Variants in BRWD3 observed in about 807,000 individuals in gnomAD.
The protein encoded by BRWD3 is bromodomain and WD repeat-containing protein 3.
In BRWD3, 10 loss-of-function variants were observed where a neutral mutation model predicts 149.7. The ratio of observed to expected loss-of-function variants is 0.07; its 90% CI spans 0.04 to 0.11. BRWD3 has a LOEUF of 0.11. Ranked by LOEUF, BRWD3 falls within the 10% of genes least tolerant of loss-of-function variation. The probability of loss-of-function intolerance (pLI) is 1.00; values close to 1 mark genes in which losing one functional copy is unlikely to be tolerated. For missense variants in BRWD3, 940 were observed against 1,373.2 expected, an observed-to-expected ratio of 0.68 and a Z score of 4.99; for synonymous variants, 504 against 456.7, an observed-to-expected ratio of 1.10 and a Z score of -1.32.
chrX:80,763,252 G>C (rs1024904280), intron 6 of BRWD3, among the ~76,000 whole-genome samples: 3 of 111,451 alleles, frequency 2.7e-5, no homozygotes, highest in African/African-American at 9.8e-5. Flanking sequence ...GCTATTAAGT[G>C]GTAGTCAAGA....
intron 7 of BRWD3, 127 bp downstream of exon 7, chrX:80,745,442 C>CA (rs2073579199): frequency 1.1e-5 from 6 of 543,220 alleles, no homozygotes; most frequent in Non-Finnish European, 1.7e-5. Flanking sequence ...AATTTCCACT[C>CA]ATCTTTTTCT....
At chrX:80,713,431 C>T (rs1474657346) in intron 20 of BRWD3, among the ~76,000 whole-genome samples, 1 of 111,601 alleles carries the variant, frequency 9.0e-6, no homozygotes, top group African/African-American at 3.3e-5. Context: ...TGTGTCCACT[C>T]AGAGTTAAAT....
chrX:80,774,663 A>T (rs2073981896), intron 6 of BRWD3, among the ~76,000 whole-genome samples: 1 of 111,549 alleles, frequency 9.0e-6, no homozygotes, highest in Non-Finnish European at 1.9e-5. Flanking sequence ...CTTCAATCAC[A>T]AGTTTTCTAT....
intron 6 of BRWD3, among the ~76,000 whole-genome samples, chrX:80,773,095 G>A (rs769542738): frequency 6.2e-5 from 7 of 112,198 alleles, no homozygotes; most frequent in African/African-American, 2.3e-4. Flanking sequence ...CAGGAGGGAA[G>A]CCGATGTGGT....
intron 16 of BRWD3, 54 bp from the exon 17 acceptor site, chrX:80,722,841 A>G: frequency 9.7e-7 from 1 of 1,026,483 alleles, no homozygotes; most frequent in Non-Finnish European, 1.4e-6. Flanking sequence ...ATAAGTAAAT[A>G]CTTGTTTTCA....
At chrX:80,770,063 T>C (rs2073918114) in intron 6 of BRWD3, among the ~76,000 whole-genome samples, 1 of 111,432 alleles carries the variant, frequency 9.0e-6, no homozygotes, top group Admixed American at 9.5e-5. Flanking sequence ...AGAACTTGAA[T>C]CCCTGAATAG....
At chrX:80,750,857 TAC>T (rs59394410) in intron 6 of BRWD3, among the ~76,000 whole-genome samples, 51,879 of 93,450 alleles carry the variant, frequency 0.56, 12,556 homozygotes, top group Non-Finnish European at 0.69. Flanking sequence ...ATGTGTTTTA[TAC>T]ACACACACAC....
At chrX:80,756,502 C>CA (rs974549325) in intron 6 of BRWD3, among the ~76,000 whole-genome samples, 3,842 of 41,313 alleles carry the variant, frequency 0.093, 787 homozygotes, top group African/African-American at 0.35. Flanking sequence ...AACTCTGTCT[C>CA]AAAAAAAAAA....
rs901736770 is a variant in BRWD3, at chrX:80,728,809, G to A, written c.1329C>T (p.Asn443=). The change falls in exon 14 of 41, where the codon AAC becomes AAT. Residue 443 remains asparagine, a synonymous_variant. Transcript: ENST00000373275. ...AATTCCACACTTTCAAAAGAAAATT[G>A]TTCACTGCAGTAATAACTGTGGTAT... ...RYDTTVITAV[N]NFLLKVWNSI... 3 of 1,203,727 alleles carry A rather than the reference G, an allele frequency of 2.5e-6. No individual in the cohort carries two copies. Among genetic ancestry groups the A allele is most frequent in the Non-Finnish European group, 3.4e-6 (3 of 888,637 alleles).
In BRWD3 at chrX:80,675,672, T is replaced by A; in HGVS notation, c.*937A>T. On this transcript the variant is annotated 3_prime_UTR_variant, in exon 41 of 41. Transcript: ENST00000373275. The stretch of plus-strand genomic sequence containing the variant: ...CATCTATTTTCCTTAATGTTTCCAG[T>A]AGTTGTAGTTAAGAGGTAGCTGAGC... The A allele has an allele frequency of 8.9e-6, 1 of 111,737 alleles. No homozygotes were observed. The highest frequency in any genetic ancestry group is 2.8e-4 in the East Asian group (1 of 3,564). The allele number at this position is 111,737 out of a possible 1,213,427, so 9.2% of individuals were successfully genotyped here.
At chrX:80,713,652 AT>A (rs1267565137) in intron 20 of BRWD3, among the ~76,000 whole-genome samples, 1 of 109,895 alleles carries the variant, frequency 9.1e-6, no homozygotes, top group Non-Finnish European at 1.9e-5. Flanking sequence ...ACCCTGCCAA[AT>A]CCCCCTCTGC....
At chrX:80,757,710 A>T (rs1391491640) in intron 6 of BRWD3, among the ~76,000 whole-genome samples, 2 of 112,362 alleles carry the variant, frequency 1.8e-5, no homozygotes, top group Admixed American at 1.9e-4. Context: ...AACTAACTCA[A>T]TGATAGACCG....
intron 18 of BRWD3, among the ~76,000 whole-genome samples, chrX:80,718,515 G>T: frequency 8.9e-6 from 1 of 111,924 alleles, no homozygotes; most frequent in African/African-American, 3.2e-5. Context: ...AGGGTTCTGA[G>T]AAAGTTTTAT....
rs942929998 is a variant in BRWD3 at position 80,801,422 on chromosome X, T to A, written c.180+7117A>T. Among the ~76,000 whole-genome samples the A allele has an allele frequency of 1.9e-4, 20 of 107,043 alleles. No homozygotes were observed. In the Admixed American group the frequency reaches 2.0e-3, roughly 11 times the overall value. The allele number at this position is 107,043 out of a possible 115,157, so 93.0% of individuals were successfully genotyped here. A position where few individuals can be genotyped will look rare whatever the true frequency, so the allele number is the denominator to read the frequency against. On this transcript the variant is annotated intron_variant, in intron 4 of 40. Coordinates refer to ENST00000373275, the MANE Select transcript of BRWD3 (RefSeq NM_153252.5). ...TAGTAGAGACAGGGTTTCACCATCT[T>A]GGCCAGGCTGGTCTTGAACTCCTGA...
At chrX:80,713,231 G>A (rs1185840189) in intron 20 of BRWD3, among the ~76,000 whole-genome samples, 11 of 111,214 alleles carry the variant, frequency 9.9e-5, no homozygotes, top group African/African-American at 1.6e-4. Context: ...TGACAATGGC[G>A]GTTTTGTGGA....
At chrX:80,788,132 A>G (rs2074135265) in intron 6 of BRWD3, among the ~76,000 whole-genome samples, 1 of 85,217 alleles carries the variant, frequency 1.2e-5, no homozygotes, top group Non-Finnish European at 2.5e-5. Flanking sequence ...AAATAAATAA[A>G]TAAAGACACT....
intron 6 of BRWD3, among the ~76,000 whole-genome samples, chrX:80,773,964 C>T (rs947204053): frequency 7.1e-5 from 8 of 112,124 alleles, no homozygotes; most frequent in African/African-American, 2.3e-4. Flanking sequence ...TTGGAAAATG[C>T]TTTACATATA....
Position 80,736,708 on chromosome X carries a change from G to C in BRWD3, c.814-620C>G, listed in dbSNP as rs1031163304. ...ACGGAGATCAAGTTAAAAAAAAAAA[G>C]TTGTCAATACAGAGGACTACTACTA... is the stretch of plus-strand genomic sequence containing the variant. On this transcript the variant is annotated intron_variant, in intron 8 of 40. Coordinates refer to ENST00000373275, the MANE Select transcript of BRWD3 (RefSeq NM_153252.5). 3.0e-5 allele frequency among the ~76,000 whole-genome samples: 3 copies of C among 99,211 alleles called. No homozygotes were observed. In the East Asian group the frequency reaches 9.5e-4, roughly 31 times the overall value. 86.2% of individuals were successfully genotyped at this position (99,211 alleles called of 115,157 possible).
intron 6 of BRWD3, among the ~76,000 whole-genome samples, chrX:80,771,616 T>A (rs1283949144): frequency 9.0e-6 from 1 of 111,181 alleles, no homozygotes; most frequent in African/African-American, 3.3e-5. Context: ...AATTGACAAA[T>A]GGGATCTAAT....
Sources: gnomAD v4.1 joint callset for allele counts (sites outside exome capture counted in the v4.1 genomes callset) on GRCh38, gnomAD v4.1.1 for gene constraint, MANE v1.5 for transcripts, NCBI Gene and HGNC (gene_info 2026-07-23, HGNC 2026-07-21) for gene names.